UGT1A3: variants seen among roughly 807,000 people sequenced by gnomAD.
UGT1A3 encodes UDP glucuronosyltransferase family 1 member A3.
A neutral mutation model predicts 41.0 loss-of-function variants in UGT1A3; 31 were observed. The ratio of observed to expected loss-of-function variants is 0.76; its 90% CI spans 0.57 to 1.02. The LOEUF (loss-of-function observed/expected upper bound fraction) is 1.02, where lower values mean the gene tolerates loss of function less well. UGT1A3 is among the 50% of genes least tolerant of loss of function. UGT1A3 has a pLI of 0.00. For synonymous variants in UGT1A3, 262 were observed against 257.6 expected (o/e 1.02, Z -0.17); for missense variants, 737 against 671.0 (o/e 1.10, Z -1.09).
chr2:233,752,600 T>C (rs1023436245), intron 1 of UGT1A3: 2 of 152,076 alleles, frequency 1.3e-5, no homozygotes, highest in African/African-American at 4.8e-5. Flanking sequence ...AGATTTTTTT[T>C]AAAAAAACAT....
intron 1 of UGT1A3, chr2:233,760,820 G>A (rs1177412651): frequency 6.2e-7 from 1 of 1,613,432 alleles, no homozygotes; most frequent in Non-Finnish European, 8.5e-7. Context: ...CTGCCATGCA[G>A]CCTGGAATTT....
At chr2:233,742,731 A>G (rs1692080362) in intron 1 of UGT1A3, 1 of 152,930 alleles carries the variant, frequency 6.5e-6, no homozygotes, top group Non-Finnish European at 1.5e-5. Context: ...TATGGGATTC[A>G]AATGTCTGAC....
In UGT1A3 at chr2:233,769,399, A is replaced by G. The variant is rs1699854887; in HGVS notation, c.1307+960A>G. The G allele has an allele frequency of 1.7e-6, 2 of 1,170,288 alleles. No homozygotes were observed. Among genetic ancestry groups the G allele is most frequent in the Non-Finnish European group, 2.5e-6 (2 of 810,196 alleles). 72.5% of individuals were successfully genotyped at this position (1,170,288 alleles called of 1,614,324 possible). A position where few individuals can be genotyped will look rare whatever the true frequency, so the allele number is the denominator to read the frequency against. On this transcript the variant is annotated intron_variant, in intron 4 of 4. Transcript: ENST00000482026. This position sits in a 1 kb window ranked among gnomAD's most constrained non-coding sequence, Gnocchi z 4.4. ...ATCCGACAATAGATACTGTGTGCAT[A>G]TGTGCGTGTGCGTTTGTGCATGTGG...
rs376650980 is a variant in UGT1A3, at chr2:233,751,304, T to C, written c.868-15730T>C. ...TTCTCCCATTTGGAATGGGAATATTTACCCAATTTCTGTACCCCCATTGTG... is the reference window on the plus strand; with the variant it reads ...TTCTCCCATTTGGAATGGGAATATTCACCCAATTTCTGTACCCCCATTGTG... On this transcript the variant is annotated intron_variant, in intron 1 of 4. Transcript: ENST00000482026. Among the ~76,000 whole-genome samples, 29 of 152,116 alleles carry C rather than the reference T, an allele frequency of 1.9e-4. No individual in the cohort carries two copies. The South Asian group carries it at 2.7e-3, about 14-fold the overall frequency.
At chr2:233,730,900 A>G (rs1224057230) in intron 1 of UGT1A3, among the ~76,000 whole-genome samples, 1 of 152,130 alleles carries the variant, frequency 6.6e-6, no homozygotes, top group Non-Finnish European at 1.5e-5. Context: ...CTACTCCTTT[A>G]CCAAAAATTT....
intron 1 of UGT1A3, among the ~76,000 whole-genome samples, chr2:233,748,979 CT>C (rs1333740168): frequency 1.3e-5 from 2 of 151,700 alleles, no homozygotes; most frequent in Non-Finnish European, 2.9e-5. Flanking sequence ...GGATCTACTT[CT>C]TTACCAACAA....
intron 1 of UGT1A3, chr2:233,754,900 C>A (rs900398132): frequency 7.4e-7 from 1 of 1,352,224 alleles, no homozygotes; most frequent in African/African-American, 1.5e-5. Flanking sequence ...CTCTGACCCC[C>A]CAAAATATTC....
At chr2:233,743,935 C>T (rs761038539) in intron 1 of UGT1A3, 2 of 1,356,896 alleles carry the variant, frequency 1.5e-6, no homozygotes, top group African/African-American at 1.5e-5. Flanking sequence ...GCCAGAACGG[C>T]CCACCAGGCA....
chr2:233,747,873 T>C, intron 1 of UGT1A3: 1 of 1,613,590 alleles, frequency 6.2e-7, no homozygotes, highest in Non-Finnish European at 8.5e-7. Context: ...TCTGGCCCTG[T>C]CCTACCTTTG....
intron 1 of UGT1A3, chr2:233,760,308 C>A (rs780253764): frequency 4.3e-6 from 7 of 1,613,678 alleles, no homozygotes; most frequent in South Asian, 1.1e-5. Context: ...AGTCCCAGGG[C>A]GGACGCCCAC....
At chr2:233,757,778 T>A (rs1328848691) in intron 1 of UGT1A3, among the ~76,000 whole-genome samples, 1 of 151,774 alleles carries the variant, frequency 6.6e-6, no homozygotes, top group African/African-American at 2.4e-5. Flanking sequence ...AATAAGCCTG[T>A]CATTCTGATT....
rs376887521 is a variant in UGT1A3 at position 233,757,535 on chromosome 2, A to AATATATATACATATACATATATATATAT, written c.868-9490_868-9489insCATATACATATATATATATATATATATA. ...CAAAGCCAAAATCTTGCCTGTAAGG[A>AATATATATACATATACATATATATATAT]ATATATATATATATATATATATATA... On this transcript the variant is annotated intron_variant, in intron 1 of 4. Transcript: ENST00000482026. 4.4e-3 allele frequency among the ~76,000 whole-genome samples: 377 copies of AATATATATACATATACATATATATATAT among 85,820 alleles called. 6 individuals carry two copies. The highest frequency in any genetic ancestry group is 5.9e-3 in the Middle Eastern group (1 of 170). The allele number at this position is 85,820 out of a possible 152,430, so 56.3% of individuals were successfully genotyped here. A position where few individuals can be genotyped will look rare whatever the true frequency, so the allele number is the denominator to read the frequency against.
chr2:233,760,654 C>T (rs1222597079), intron 1 of UGT1A3: 1 of 1,614,218 alleles, frequency 6.2e-7, no homozygotes, highest in Non-Finnish European at 8.5e-7. Context: ...CTCTGCTATG[C>T]TTTTGTCTGG....
At chr2:233,765,652 G>T (rs2126018835) in intron 1 of UGT1A3, among the ~76,000 whole-genome samples, 1 of 151,820 alleles carries the variant, frequency 6.6e-6, no homozygotes, top group East Asian at 1.9e-4. Context: ...GTCAATAGGT[G>T]CAGCAAACCA....
chr2:233,734,300 G>GAAGA (rs2078508632), intron 1 of UGT1A3, among the ~76,000 whole-genome samples: 1 of 152,112 alleles, frequency 6.6e-6, no homozygotes, highest in Non-Finnish European at 1.5e-5. Context: ...AGATTTTCTA[G>GAAGA]TTTATTTGTG....
Position 233,729,094 on chromosome 2 carries a change from G to A in UGT1A3, c.-33G>A. On this transcript the variant is annotated 5_prime_UTR_variant, in exon 1 of 5. The change creates a new upstream start codon in the 5' untranslated region. Transcript: ENST00000482026. ...GCAAATGTAGCAGGCACAGCGTGGGGTGGACAGTCAGCTGTCCGTGTCTTC... is the reference window on the plus strand; with the variant it reads ...GCAAATGTAGCAGGCACAGCGTGGGATGGACAGTCAGCTGTCCGTGTCTTC... The A allele has an allele frequency of 6.2e-7, 1 of 1,612,652 alleles. No homozygotes were observed. The highest frequency in any genetic ancestry group is 8.5e-7 in the Non-Finnish European group (1 of 1,179,916).
chr2:233,745,888 G>A (rs1423875334), intron 1 of UGT1A3, among the ~76,000 whole-genome samples: 1 of 151,512 alleles, frequency 6.6e-6, no homozygotes, highest in African/African-American at 2.4e-5. Flanking sequence ...TGTTGGTGGG[G>A]TGGCGTTTTT....
At chr2:233,757,541 T>TAC (rs1553619873) in intron 1 of UGT1A3, among the ~76,000 whole-genome samples, 2 of 117,592 alleles carry the variant, frequency 1.7e-5, no homozygotes, top group African/African-American at 7.2e-5. Context: ...AAGGAATATA[T>TAC]ATATATATAT....
chr2:233,757,331 A>T (rs1696493214), intron 1 of UGT1A3, among the ~76,000 whole-genome samples: 1 of 150,806 alleles, frequency 6.6e-6, no homozygotes, highest in Non-Finnish European at 1.5e-5. Context: ...CTGAAATGGG[A>T]CCATGACAGC....
Sources: gnomAD v4.1 joint callset for allele counts (sites outside exome capture counted in the v4.1 genomes callset) on GRCh38, gnomAD v4.1.1 for gene constraint, Gnocchi (gnomAD v3.1) non-coding constraint, MANE v1.5 for transcripts, NCBI Gene and HGNC (gene_info 2026-07-23, HGNC 2026-07-21) for gene names.